The following DNAH12 variants were observed in gnomAD, a reference collection of about 807,000 sequenced individuals.
DNAH12 encodes the protein axonemal beta dynein heavy chain 12.
DNAH12 carries 285 observed loss-of-function variants against 371.5 expected under a neutral mutation model. The observed-to-expected ratio is 0.77, with a 90% CI of 0.70 to 0.85. DNAH12 has a LOEUF of 0.85. Among genes scored for constraint, DNAH12 ranks in the 40% least tolerant of loss-of-function variants. The pLI is 0.00. For missense variants in DNAH12, 3,611 were observed against 3,689.4 expected (o/e 0.98, Z 0.55); for synonymous variants, 1,200 against 1,213.0 (o/e 0.99, Z 0.22).
intron 2 of DNAH12, among the ~76,000 whole-genome samples, chr3:57,530,099 G>C (rs1318952388): frequency 6.6e-6 from 1 of 152,022 alleles, no homozygotes; most frequent in Non-Finnish European, 1.5e-5. Flanking sequence ...CAGAGAAGGT[G>C]CTTGATATTA....
chr3:57,413,895 T>C lies in DNAH12; in HGVS notation c.5871A>G (p.Arg1957=), dbSNP rs2064282888. The change falls in exon 39 of 74, where the codon AGA becomes AGG. Residue 1957 remains arginine, a synonymous_variant. Coordinates refer to ENST00000495027, the MANE Select transcript of DNAH12 (RefSeq NM_001366028.2). ...ANQVQNIIMA[R]LDKRRKGVFG... ...AGACTCCTTTGCGTCTTTTATCCAA[T>C]CTAGCCATGATAATGTTCTAAAATA... is the stretch of plus-strand genomic sequence containing the variant. 6.4e-7 allele frequency: 1 copy of C among 1,550,680 alleles called. No individual in the cohort carries two copies. Among genetic ancestry groups the C allele is most frequent in the South Asian group, 1.2e-5 (1 of 83,784 alleles).
chr3:57,437,191 T>G, intron 29 of DNAH12, 131 bp from the exon 30 acceptor site: 4 of 666,300 alleles, frequency 6.0e-6, no homozygotes, highest in Non-Finnish European at 1.0e-5. Flanking sequence ...CTTAAAACTT[T>G]ATTATTTTTT....
In DNAH12 at chr3:57,323,539, CTT is replaced by C. The variant is rs1035326736; in HGVS notation, c.10057_10058del (p.Lys3353GlufsTer31). 11 of 1,550,842 alleles carry C rather than the reference CTT, an allele frequency of 7.1e-6. No individual in the cohort carries two copies. The highest frequency in any genetic ancestry group is 9.6e-6 in the Non-Finnish European group (11 of 1,146,792). ...FVEPPPFDLT[K>X]SYLDSNCTIP... ...TGGTGCAATTTGAATCCAAGTAACT[CTT>C]TGTCAAATCAAATGGTGGAGGCTCT... On this transcript the variant is annotated frameshift_variant, in exon 63 of 74. Transcript: ENST00000495027. LOFTEE classifies it high-confidence loss of function.
chr3:57,535,477 C>T (rs755458185), intron 2 of DNAH12, among the ~76,000 whole-genome samples: 5 of 152,182 alleles, frequency 3.3e-5, no homozygotes, highest in South Asian at 2.1e-4. Flanking sequence ...GCACTATGCT[C>T]GTGAACTTCC....
At chr3:57,456,414 A>G (rs2065903192) in intron 22 of DNAH12, among the ~76,000 whole-genome samples, 1 of 152,240 alleles carries the variant, frequency 6.6e-6, no homozygotes, top group African/African-American at 2.4e-5. Context: ...CTACTACTTT[A>G]CAACTGCTCA....
chr3:57,445,830 T>C (rs909179884), intron 27 of DNAH12, among the ~76,000 whole-genome samples: 1 of 151,878 alleles, frequency 6.6e-6, no homozygotes, highest in African/African-American at 2.4e-5. Context: ...TTACTAAAAA[T>C]ACAAAAAATT....
Position 57,403,346 on chromosome 3 carries a change from T to C in DNAH12, c.6911A>G (p.Lys2304Arg), listed in dbSNP as rs1363314939. The change falls in exon 43 of 74, where the codon AAG becomes AGG. Residue 2304 changes from lysine to arginine, a missense_variant. Physicochemically the swap from Lys to Arg is conservative, Grantham distance 26. Coordinates refer to ENST00000495027, the MANE Select transcript of DNAH12 (RefSeq NM_001366028.2). ...TCTCCATTCATTCATACCATAGCTC[T>C]TAGAAATTTCTGGTTGGAAAATATG... Reference protein sequence around the residue: ...KMHIFQPEISKSYGMNEWRED... With the variant: ...KMHIFQPEISRSYGMNEWRED... The C allele has an allele frequency of 9.7e-6, 15 of 1,551,012 alleles. No individual in the cohort carries two copies. The African/African-American group carries it at 2.1e-4, about 21-fold the overall frequency.
chr3:57,529,922 A>G (rs2873524), intron 2 of DNAH12, among the ~76,000 whole-genome samples: 133,961 of 152,086 alleles, frequency 0.88, 59,552 homozygotes, highest in African/African-American at 0.96. Flanking sequence ...ATAGGTTTTC[A>G]TATGTTGCAT....
chr3:57,506,717 G>A (rs1320793463), intron 8 of DNAH12, among the ~76,000 whole-genome samples: 2 of 152,084 alleles, frequency 1.3e-5, no homozygotes, highest in Non-Finnish European at 2.9e-5. Context: ...GCTGGTATTA[G>A]AGGTGTGAGA....
In DNAH12 at chr3:57,413,816, G is replaced by A. The variant is rs1299746729; in HGVS notation, c.5950C>T (p.Pro1984Ser). 1.3e-6 allele frequency: 2 copies of A among 1,550,970 alleles called. No individual in the cohort carries two copies. The highest frequency in any genetic ancestry group is 1.2e-5 in the South Asian group (1 of 84,028). ...CIIFIDDMNM[P>S]ALEKYGAQPP... ...TGAGCTCCATACTTCTCCAATGCAGGCATATTCATATCATCTATAAAAATT... is the reference window on the plus strand; with the variant it reads ...TGAGCTCCATACTTCTCCAATGCAGACATATTCATATCATCTATAAAAATT... Residue 1984 changes from proline to serine, a missense_variant, in exon 39 of 74, where the codon CCT becomes TCT. Physicochemically the swap from Pro to Ser is moderately conservative, Grantham distance 74. This residue lies in a region of DNAH12 where 2,266 missense variants were observed against 2,236.9 expected (regional missense o/e 1.01). Transcript: ENST00000495027.
chr3:57,339,381 A>G (rs1197808648), intron 60 of DNAH12, among the ~76,000 whole-genome samples: 159 of 75,642 alleles, frequency 2.1e-3, no homozygotes, highest in African/African-American at 5.7e-3. Flanking sequence ...AATAAATACT[A>G]AAAAAAAAAA....
chr3:57,365,382 C>G (rs2063027563), intron 57 of DNAH12, among the ~76,000 whole-genome samples: 1 of 152,210 alleles, frequency 6.6e-6, no homozygotes, highest in African/African-American at 2.4e-5. Flanking sequence ...ACCACATGTT[C>G]TCACTTATAA....
At chr3:57,379,372 CAATAA>C (rs2063341118) in intron 51 of DNAH12, 74 bp from the exon 52 acceptor site, 1 of 151,754 alleles carries the variant, frequency 6.6e-6, no homozygotes, top group Non-Finnish European at 1.5e-5. Flanking sequence ...AAATCATATA[CAATAA>C]AAACATTTAT....
At chr3:57,444,162 T>C (rs28421512) in intron 29 of DNAH12, among the ~76,000 whole-genome samples, 5 of 151,906 alleles carry the variant, frequency 3.3e-5, no homozygotes, top group East Asian at 1.9e-4. Flanking sequence ...GATTGCACCA[T>C]TGCACTCCAG....
Position 57,334,485 on chromosome 3 carries a change from G to A in DNAH12, c.9958C>T (p.Arg3320Trp), listed in dbSNP as rs764073427. ...TTTACCTTATCAGGTCTTAAACACC[G>A]AAGAATTATTATTTTCTGTAGTTCA... is the stretch of plus-strand genomic sequence containing the variant. ...LNELQKIIIL[R>W]CLRPDKITPA... is the part of the protein sequence containing the mutation. Residue 3320 changes from arginine to tryptophan, a missense_variant, in exon 62 of 74, where the codon CGG becomes TGG. Arg to Trp is a moderately radical substitution (Grantham distance 101). Coordinates refer to ENST00000495027, the MANE Select transcript of DNAH12 (RefSeq NM_001366028.2). 88 of 1,548,476 alleles carry A rather than the reference G, an allele frequency of 5.7e-5. No individual in the cohort carries two copies. The highest frequency in any genetic ancestry group is 1.7e-4 in the Middle Eastern group (1 of 6,006).
chr3:57,418,240 A>T (rs2064443367), intron 37 of DNAH12, among the ~76,000 whole-genome samples: 1 of 151,772 alleles, frequency 6.6e-6, no homozygotes, highest in Non-Finnish European at 1.5e-5. Context: ...TTATTCTGAC[A>T]AATGGTTCTT....
intron 11 of DNAH12, among the ~76,000 whole-genome samples, chr3:57,497,780 G>A (rs910436948): frequency 6.6e-6 from 1 of 152,024 alleles, no homozygotes; most frequent in African/African-American, 2.4e-5. Context: ...TGATAGACTA[G>A]AATTAATTAT....
intron 17 of DNAH12, among the ~76,000 whole-genome samples, chr3:57,464,177 T>G (rs2066134724): frequency 6.6e-6 from 1 of 151,976 alleles, no homozygotes; most frequent in South Asian, 2.1e-4. Context: ...GCAACGCCAG[T>G]GCCTGAAGGG....
At chr3:57,514,873 G>A (rs573945307) in intron 4 of DNAH12, among the ~76,000 whole-genome samples, 4 of 152,152 alleles carry the variant, frequency 2.6e-5, no homozygotes, top group Non-Finnish European at 4.4e-5. Flanking sequence ...ATATCCTTAT[G>A]CTAAGTACAA....
Sources: gnomAD v4.1 joint callset for allele counts (sites outside exome capture counted in the v4.1 genomes callset) on GRCh38, gnomAD v4.1.1 for gene constraint, gnomAD v4.1.1 regional missense constraint, MANE v1.5 for transcripts, NCBI Gene and HGNC (gene_info 2026-07-23, HGNC 2026-07-21) for gene names.